DNAAF9: variants seen among roughly 807,000 people sequenced by gnomAD.
DNAAF9 encodes the protein shulin.
DNAAF9 carries 90 observed loss-of-function variants against 167.0 expected under a neutral mutation model. The observed-to-expected ratio is 0.54, with a 90% confidence interval of 0.45 to 0.64. The LOEUF is 0.64. DNAAF9 is among the 30% of genes least tolerant of loss of function. DNAAF9 has a pLI of 0.00. For missense variants in DNAAF9, 1,315 were observed against 1,442.2 expected, an observed-to-expected ratio of 0.91 and a Z score of 1.43; for synonymous variants, 491 against 508.8, an observed-to-expected ratio of 0.96 and a Z score of 0.47.
At chr20:3,377,650 G>A (rs1230768462) in intron 3 of DNAAF9, among the ~76,000 whole-genome samples, 2 of 151,884 alleles carry the variant, frequency 1.3e-5, no homozygotes. Flanking sequence ...TGTAGAGACA[G>A]GGTTTTGCCA....
At chr20:3,334,255 C>T (rs1383291456) in intron 10 of DNAAF9, among the ~76,000 whole-genome samples, 1 of 152,202 alleles carries the variant, frequency 6.6e-6, no homozygotes, top group East Asian at 1.9e-4. Flanking sequence ...CCCACTGCCG[C>T]CTCAGCTCCA....
Position 3,315,860 on chromosome 20 carries a change from C to T in DNAAF9, c.1540-75G>A. 1 of 1,089,102 alleles carries T rather than the reference C, an allele frequency of 9.2e-7. No individual in the cohort carries two copies. Among genetic ancestry groups the T allele is most frequent in the Non-Finnish European group, 1.4e-6 (1 of 700,898 alleles). The allele number at this position is 1,089,102 out of a possible 1,614,324, so 67.5% of individuals were successfully genotyped here. A position where few individuals can be genotyped will look rare whatever the true frequency, so the allele number is the denominator to read the frequency against. ...CCCTGCTAGGTCTCCCCACTGTGTT[C>T]AAATATTTCCAGGACACTGGCTGGA... On this transcript the variant is annotated intron_variant, in intron 18 of 36. Transcript: ENST00000252032. The surrounding 1 kb of genome is among the most constrained non-coding windows in gnomAD (Gnocchi z 4.1).
At chr20:3,268,946 C>G (rs1470953120) in intron 30 of DNAAF9, among the ~76,000 whole-genome samples, 1 of 132,526 alleles carries the variant, frequency 7.5e-6, no homozygotes, top group East Asian at 2.1e-4. Context: ...GTTGCCCAGG[C>G]TGGCTGGAGT....
intron 17 of DNAAF9, 133 bp downstream of exon 17, chr20:3,318,156 G>A (rs1259051227): frequency 4.9e-5 from 21 of 432,466 alleles, no homozygotes; most frequent in Non-Finnish European, 7.6e-5. Flanking sequence ...AGGCTGGAGT[G>A]CAGTGCTGTG....
At chr20:3,306,692 G>A (rs2069302107) in intron 20 of DNAAF9, among the ~76,000 whole-genome samples, 1 of 151,956 alleles carries the variant, frequency 6.6e-6, no homozygotes, top group South Asian at 2.1e-4. Context: ...CCTGTCCAAA[G>A]CCCAGCTGTG....
intron 6 of DNAAF9, among the ~76,000 whole-genome samples, chr20:3,370,053 C>T (rs78037245): frequency 0.062 from 9,454 of 152,094 alleles, 374 homozygotes; most frequent in Non-Finnish European, 0.082. Flanking sequence ...CCTATTCATA[C>T]TTTGAAATGA....
intron 1 of DNAAF9, among the ~76,000 whole-genome samples, chr20:3,399,964 C>T (rs2083961196): frequency 6.6e-6 from 1 of 152,156 alleles, no homozygotes; most frequent in South Asian, 2.1e-4. Context: ...CATGTCTACA[C>T]CTATTTCATG....
chr20:3,308,814 T>TAA (rs778450449), intron 20 of DNAAF9, among the ~76,000 whole-genome samples: 4 of 137,982 alleles, frequency 2.9e-5, no homozygotes, highest in Admixed American at 7.3e-5. Flanking sequence ...CCATCTCTAC[T>TAA]AAAAAAAAAA....
chr20:3,252,678 TC>T lies in DNAAF9; in HGVS notation c.3427del (p.Asp1143ThrfsTer4). The T allele has an allele frequency of 6.4e-7, 1 of 1,573,524 alleles. No homozygotes were observed. Among genetic ancestry groups the T allele is most frequent in the Non-Finnish European group, 8.7e-7 (1 of 1,142,950 alleles). On this transcript the variant is annotated frameshift_variant, in exon 37 of 37. Coordinates refer to ENST00000252032, the MANE Select transcript of DNAAF9 (RefSeq NM_001009984.3). LOFTEE classifies it high-confidence loss of function. ...GDKTDFHPLMDQFMNDYVEEA... is the reference protein window; with the variant it reads ...GDKTDFHPLMXQFMNDYVEEA... ...TTCCACGTAGTCATTCATGAACTGG[TC>T]CATGACTGGTATCTCATTAAGGAAG...
chr20:3,318,460 A>T (rs1037562391), intron 16 of DNAAF9, 60 bp from the exon 17 acceptor site: 1 of 830,578 alleles, frequency 1.2e-6, no homozygotes, highest in East Asian at 2.4e-5. Context: ...AGAGAAGTCC[A>T]TAAGAATGAG....
intron 2 of DNAAF9, 36 bp downstream of exon 2, chr20:3,382,391 C>T (rs959030245): frequency 3.8e-6 from 6 of 1,561,522 alleles, no homozygotes; most frequent in Non-Finnish European, 5.3e-6. Flanking sequence ...GCCAAGTTGC[C>T]CAAGCCCTGA....
chr20:3,355,889 CTTTT>C (rs147977227), intron 7 of DNAAF9, among the ~76,000 whole-genome samples: 8 of 145,900 alleles, frequency 5.5e-5, no homozygotes, highest in Non-Finnish European at 9.1e-5. Flanking sequence ...GCTAATTTCT[CTTTT>C]TTTTTTCAGA....
Position 3,315,592 on chromosome 20 carries a change from G to C in DNAAF9, c.1590+143C>G. ...TTATTTCTAAAGCTCTGCTGGGAAG[G>C]GGAGGAATGCAAATAGGAAGTGAAG... On this transcript the variant is annotated intron_variant, in intron 19 of 36. Transcript: ENST00000252032. The surrounding 1 kb of genome is among the most constrained non-coding windows in gnomAD (Gnocchi z 4.1). The C allele has an allele frequency of 1.4e-6, 1 of 697,680 alleles. No individual in the cohort carries two copies. Among genetic ancestry groups the C allele is most frequent in the Non-Finnish European group, 2.6e-6 (1 of 389,508 alleles). 43.2% of individuals were successfully genotyped at this position (697,680 alleles called of 1,614,324 possible).
At chr20:3,320,210 A>C (rs6133031) in intron 16 of DNAAF9, among the ~76,000 whole-genome samples, 38,010 of 152,134 alleles carry the variant, frequency 0.25, 5,348 homozygotes, top group African/African-American at 0.37. Context: ...TATGAAGGTC[A>C]TCATATGACA....
At chr20:3,367,283 T>C (rs2083443372) in intron 6 of DNAAF9, among the ~76,000 whole-genome samples, 1 of 152,254 alleles carries the variant, frequency 6.6e-6, no homozygotes, top group Non-Finnish European at 1.5e-5. Context: ...ATGTTTTGGT[T>C]GGTTGATCTT....
At chr20:3,299,158 T>C (rs1398921831) in intron 21 of DNAAF9, among the ~76,000 whole-genome samples, 1 of 151,994 alleles carries the variant, frequency 6.6e-6, no homozygotes, top group East Asian at 1.9e-4. Flanking sequence ...CCGCCCGCCT[T>C]GGCCTCCCAA....
At chr20:3,297,634 G>A (rs1359641024) in intron 22 of DNAAF9, among the ~76,000 whole-genome samples, 1 of 152,148 alleles carries the variant, frequency 6.6e-6, no homozygotes, top group Non-Finnish European at 1.5e-5. Flanking sequence ...ATAAAGTGCA[G>A]CCTGCCAGGT....
chr20:3,273,174 A>C (rs1476471363), intron 29 of DNAAF9, among the ~76,000 whole-genome samples: 1 of 152,156 alleles, frequency 6.6e-6, no homozygotes, highest in East Asian at 1.9e-4. Context: ...AATATCTCTA[A>C]ATTATGGAGA....
intron 1 of DNAAF9, among the ~76,000 whole-genome samples, chr20:3,389,621 T>A (rs373859933): frequency 6.7e-6 from 1 of 148,850 alleles, no homozygotes. Context: ...AAAAGAGAAA[T>A]AGTTTTTAAA....
Sources: gnomAD v4.1 joint callset for allele counts (sites outside exome capture counted in the v4.1 genomes callset) on GRCh38, gnomAD v4.1.1 for gene constraint, Gnocchi (gnomAD v3.1) non-coding constraint, MANE v1.5 for transcripts, NCBI Gene and HGNC (gene_info 2026-07-23, HGNC 2026-07-21) for gene names.